LSAMP: variants seen among roughly 807,000 people sequenced by gnomAD.
The protein encoded by LSAMP is limbic system-associated membrane protein.
Under a neutral mutation model 38.6 loss-of-function variants are expected in LSAMP, and 7 were observed. That is an observed-to-expected ratio of 0.18 (90% CI 0.10 to 0.34). The LOEUF is 0.34. Ranked by LOEUF, LSAMP falls within the 10% of genes least tolerant of loss-of-function variation. The probability of loss-of-function intolerance (pLI) is 1.00; values close to 1 mark genes in which losing one functional copy is unlikely to be tolerated. For missense variants in LSAMP, 313 were observed against 420.0 expected (o/e 0.75, Z 2.23); for synonymous variants, 154 against 166.8 (o/e 0.92, Z 0.59).
intron 1 of LSAMP, among the ~76,000 whole-genome samples, chr3:116,433,046 A>G (rs1215567168): frequency 6.6e-6 from 1 of 152,186 alleles, no homozygotes; most frequent in Non-Finnish European, 1.5e-5. Flanking sequence ...CCAGCTACAA[A>G]TTGGCAACCA....
At chr3:115,878,018 C>T (rs1936227908) in intron 3 of LSAMP, among the ~76,000 whole-genome samples, 1 of 152,096 alleles carries the variant, frequency 6.6e-6, no homozygotes, top group Admixed American at 6.6e-5. Flanking sequence ...TGCCATCAGG[C>T]CAATGAGCTC....
At chr3:116,441,143 G>A (rs2107890001) in intron 1 of LSAMP, among the ~76,000 whole-genome samples, 1 of 152,114 alleles carries the variant, frequency 6.6e-6, no homozygotes, top group South Asian at 2.1e-4. Flanking sequence ...AGTTTCCTTG[G>A]GAATCTGTAA....
chr3:116,296,555 T>TGCCGTGGCGGGC (rs2047337370), intron 1 of LSAMP, among the ~76,000 whole-genome samples: 1 of 151,670 alleles, frequency 6.6e-6, no homozygotes, highest in Non-Finnish European at 1.5e-5. Context: ...TGGTGGTGGG[T>TGCCGTGGCGGGC]GCCGTGGCGG....
chr3:116,273,748 A>G (rs1045996183), intron 1 of LSAMP, among the ~76,000 whole-genome samples: 25 of 143,706 alleles, frequency 1.7e-4, no homozygotes, highest in Non-Finnish European at 3.1e-4. Flanking sequence ...ATATGTATAT[A>G]TATATAAAAT....
chr3:115,939,584 C>CTT (rs1576237854), intron 3 of LSAMP, among the ~76,000 whole-genome samples: 3 of 131,794 alleles, frequency 2.3e-5, no homozygotes, highest in South Asian at 2.5e-4. Flanking sequence ...TTCTTTCTTT[C>CTT]TGTTAAGAGA....
chr3:116,154,796 T>C (rs1709702921), intron 1 of LSAMP, among the ~76,000 whole-genome samples: 1 of 152,154 alleles, frequency 6.6e-6, no homozygotes, highest in Non-Finnish European at 1.5e-5. Flanking sequence ...TATGAGACAA[T>C]TCTTTTGGGG....
At chr3:115,897,593 G>A (rs72955543) in intron 3 of LSAMP, among the ~76,000 whole-genome samples, 4,025 of 152,212 alleles carry the variant, frequency 0.026, 174 homozygotes, top group African/African-American at 0.091. Flanking sequence ...TAATATCAGG[G>A]AAGTAGAGAT....
chr3:116,280,693 C>T (rs181087001), intron 1 of LSAMP, among the ~76,000 whole-genome samples: 1 of 152,292 alleles, frequency 6.6e-6, no homozygotes, highest in African/African-American at 2.4e-5. Context: ...ACAGCATTTG[C>T]TAGGTGACTG....
At chr3:116,067,192 C>T (rs1707477908) in intron 2 of LSAMP, among the ~76,000 whole-genome samples, 1 of 152,102 alleles carries the variant, frequency 6.6e-6, no homozygotes, top group African/African-American at 2.4e-5. Flanking sequence ...CCTATGATGC[C>T]TTAGTGTCTG....
At chr3:116,220,521 A>G (rs1207939887) in intron 1 of LSAMP, among the ~76,000 whole-genome samples, 1 of 152,158 alleles carries the variant, frequency 6.6e-6, no homozygotes, top group African/African-American at 2.4e-5. Context: ...GTCATTGGAA[A>G]AGTGACTATT....
At chr3:116,367,401 T>C (rs1461746661) in intron 1 of LSAMP, among the ~76,000 whole-genome samples, 1 of 152,260 alleles carries the variant, frequency 6.6e-6, no homozygotes, top group East Asian at 1.9e-4. Context: ...ATTTCTTTTA[T>C]AATTTATCAG....
In LSAMP at chr3:116,326,791, G is replaced by A. The variant is rs538114541; in HGVS notation, c.155+118086C>T. On this transcript the variant is annotated intron_variant, in intron 1 of 6. Transcript: ENST00000490035. ...TATTAATTCTTCATATGAACTTCAA[G>A]GTTTTTCACAATGCCTTTGCCACCT... 4.6e-5 allele frequency among the ~76,000 whole-genome samples: 7 copies of A among 152,160 alleles called. No homozygotes were observed. The South Asian group carries it at 1.5e-3, about 32-fold the overall frequency.
At chr3:116,436,080 T>C (rs1340599141) in intron 1 of LSAMP, among the ~76,000 whole-genome samples, 3 of 152,192 alleles carry the variant, frequency 2.0e-5, no homozygotes, top group Non-Finnish European at 2.9e-5. Flanking sequence ...GGAATGATCG[T>C]TGACAAAGCA....
chr3:116,240,563 T>C (rs1475414802), intron 1 of LSAMP, among the ~76,000 whole-genome samples: 7 of 152,148 alleles, frequency 4.6e-5, no homozygotes, highest in African/African-American at 1.7e-4. Flanking sequence ...GAAATTAAAC[T>C]TCACTTGGCA....
intron 3 of LSAMP, among the ~76,000 whole-genome samples, chr3:116,008,301 T>C (rs1031551435): frequency 6.6e-6 from 1 of 152,168 alleles, no homozygotes; most frequent in Non-Finnish European, 1.5e-5. Context: ...TAAAAGTAAA[T>C]TATGGACAGC....
At chr3:115,891,494 T>C (rs563817911) in intron 3 of LSAMP, among the ~76,000 whole-genome samples, 6 of 152,124 alleles carry the variant, frequency 3.9e-5, no homozygotes, top group African/African-American at 1.4e-4. Flanking sequence ...ATGAGTGATC[T>C]CAGGTGAGAT....
chr3:115,869,934 G>C (rs1176322484), intron 3 of LSAMP, among the ~76,000 whole-genome samples: 1 of 151,986 alleles, frequency 6.6e-6, no homozygotes, highest in Non-Finnish European at 1.5e-5. Context: ...GCATTATAGA[G>C]CAGGGCTTGG....
chr3:115,893,937 G>A (rs1936665621), intron 3 of LSAMP, among the ~76,000 whole-genome samples: 1 of 151,908 alleles, frequency 6.6e-6, no homozygotes, highest in African/African-American at 2.4e-5. Context: ...TTGCAAGACT[G>A]TCTCCTGGCA....
chr3:116,291,665 G>C (rs2047269266), intron 1 of LSAMP, among the ~76,000 whole-genome samples: 1 of 152,088 alleles, frequency 6.6e-6, no homozygotes, highest in Non-Finnish European at 1.5e-5. Flanking sequence ...GAGCTTTGAT[G>C]GTTTCTTTCT....
Sources: gnomAD v4.1 joint callset for allele counts (sites outside exome capture counted in the v4.1 genomes callset) on GRCh38, gnomAD v4.1.1 for gene constraint, MANE v1.5 for transcripts, NCBI Gene and HGNC (gene_info 2026-07-23, HGNC 2026-07-21) for gene names.